The following CDK14 variants were observed in gnomAD, a reference collection of about 807,000 sequenced individuals.
The protein encoded by CDK14 is cyclin dependent kinase 14.
Under a neutral mutation model 60.7 loss-of-function variants are expected in CDK14, and 34 were observed. The ratio of observed to expected loss-of-function variants is 0.56; its 90% CI spans 0.43 to 0.75. The LOEUF (loss-of-function observed/expected upper bound fraction) is 0.75, where lower values mean the gene tolerates loss of function less well. Among genes scored for constraint, CDK14 ranks in the 30% least tolerant of loss-of-function variants. CDK14 has a pLI of 0.00. For synonymous variants in CDK14, 197 were observed against 203.7 expected, an observed-to-expected ratio of 0.97 and a Z score of 0.28; for missense variants, 482 against 564.1, an observed-to-expected ratio of 0.85 and a Z score of 1.47.
intron 2 of CDK14, among the ~76,000 whole-genome samples, chr7:90,696,377 G>C (rs962770892): frequency 8.0e-5 from 10 of 124,936 alleles, no homozygotes; most frequent in African/African-American, 3.1e-4. Flanking sequence ...GACTGGCTCT[G>C]TTGCCCAGGC....
At chr7:91,003,391 T>C (rs998908494) in intron 10 of CDK14, among the ~76,000 whole-genome samples, 3 of 152,178 alleles carry the variant, frequency 2.0e-5, no homozygotes, top group African/African-American at 7.2e-5. Flanking sequence ...TCCTGTCATC[T>C]TAAATGGCAG....
intron 5 of CDK14, among the ~76,000 whole-genome samples, chr7:90,836,811 C>T (rs1010634325): frequency 6.6e-6 from 1 of 152,160 alleles, no homozygotes; most frequent in Non-Finnish European, 1.5e-5. Flanking sequence ...GTTATCATGA[C>T]CATGACATTA....
At chr7:90,791,632 A>G (rs1427233978) in intron 5 of CDK14, among the ~76,000 whole-genome samples, 1 of 151,318 alleles carries the variant, frequency 6.6e-6, no homozygotes, top group Non-Finnish European at 1.5e-5. Flanking sequence ...TTCTATTTCT[A>G]CTCTCTCACC....
At chr7:91,133,956 A>G (rs1392239247) in intron 14 of CDK14, among the ~76,000 whole-genome samples, 1 of 152,190 alleles carries the variant, frequency 6.6e-6, no homozygotes, top group Non-Finnish European at 1.5e-5. Context: ...ATAAATTAAT[A>G]CTAGAAATAG....
chr7:90,826,601 G>A (rs146479878), intron 5 of CDK14, among the ~76,000 whole-genome samples: 3 of 152,108 alleles, frequency 2.0e-5, no homozygotes, highest in African/African-American at 7.2e-5. Context: ...GGAAGGCAAG[G>A]TTGGGGGAGT....
intron 12 of CDK14, among the ~76,000 whole-genome samples, chr7:91,101,518 T>A (rs1480997978): frequency 6.6e-6 from 1 of 152,224 alleles, no homozygotes; most frequent in Admixed American, 6.5e-5. Flanking sequence ...GTACTAAAAC[T>A]ACAGCCTATT....
intron 2 of CDK14, among the ~76,000 whole-genome samples, chr7:90,664,963 C>A (rs1333390195): frequency 1.3e-5 from 2 of 151,914 alleles, no homozygotes; most frequent in African/African-American, 2.4e-5. Flanking sequence ...AAAAAGAAAT[C>A]ATGTTTTTGC....
At chr7:90,938,044 G>A (rs970800863) in intron 8 of CDK14, among the ~76,000 whole-genome samples, 4 of 152,180 alleles carry the variant, frequency 2.6e-5, no homozygotes, top group Admixed American at 6.5e-5. Context: ...GATCATGAAA[G>A]AATAGTTTGG....
intron 14 of CDK14, among the ~76,000 whole-genome samples, chr7:91,139,757 ACTTTT>A (rs981424644): frequency 6.8e-6 from 1 of 148,016 alleles, no homozygotes; most frequent in African/African-American, 2.5e-5. Flanking sequence ...ACAATTCAGA[ACTTTT>A]CTTTTCTTTT....
At chr7:90,656,614 G>T (rs1800756411) in intron 2 of CDK14, among the ~76,000 whole-genome samples, 1 of 152,092 alleles carries the variant, frequency 6.6e-6, no homozygotes, top group South Asian at 2.1e-4. Context: ...TTCTGACCTT[G>T]TGATCTGCCT....
intron 10 of CDK14, among the ~76,000 whole-genome samples, chr7:91,045,458 T>G (rs1450623262): frequency 6.6e-6 from 1 of 152,152 alleles, no homozygotes; most frequent in East Asian, 1.9e-4. Flanking sequence ...TTTGAAACAT[T>G]ATGATGCTCA....
intron 3 of CDK14, among the ~76,000 whole-genome samples, chr7:90,738,213 T>C (rs537708254): frequency 6.6e-6 from 1 of 152,336 alleles, no homozygotes; most frequent in African/African-American, 2.4e-5. Context: ...ACTATAGGAT[T>C]TTAGATGAGT....
At chr7:91,091,615 G>A (rs1178055288) in intron 12 of CDK14, among the ~76,000 whole-genome samples, 3 of 147,954 alleles carry the variant, frequency 2.0e-5, no homozygotes, top group African/African-American at 7.6e-5. Flanking sequence ...GTTGCAGTGA[G>A]CCAAGATCAT....
At chr7:90,806,805 A>G (rs1788862001) in intron 5 of CDK14, among the ~76,000 whole-genome samples, 1 of 152,246 alleles carries the variant, frequency 6.6e-6, no homozygotes, top group Non-Finnish European at 1.5e-5. Flanking sequence ...AGCAAACGGT[A>G]CACCAGGAGA....
intron 2 of CDK14, among the ~76,000 whole-genome samples, chr7:90,684,066 A>G (rs1012140235): frequency 7.2e-5 from 11 of 152,156 alleles, no homozygotes; most frequent in African/African-American, 2.7e-4. Flanking sequence ...TATTTCTCCC[A>G]TGGTAAGAAC....
chr7:91,170,278 A>T (rs1268488071), intron 14 of CDK14, among the ~76,000 whole-genome samples: 1 of 152,166 alleles, frequency 6.6e-6, no homozygotes, highest in East Asian at 1.9e-4. Flanking sequence ...TCTCCACAAG[A>T]TACTGGATTT....
At chr7:90,820,007 T>C (rs1226952821) in intron 5 of CDK14, among the ~76,000 whole-genome samples, 1 of 152,182 alleles carries the variant, frequency 6.6e-6, no homozygotes, top group African/African-American at 2.4e-5. Context: ...CTTTCTGTAG[T>C]TTCATTATGC....
intron 4 of CDK14, among the ~76,000 whole-genome samples, chr7:90,752,543 A>G (rs1053557393): frequency 1.3e-5 from 2 of 152,108 alleles, no homozygotes; most frequent in African/African-American, 4.8e-5. Context: ...ACAGCACTAA[A>G]TGGCTACCTA....
intron 11 of CDK14, among the ~76,000 whole-genome samples, chr7:91,073,754 C>T (rs1212665188): frequency 6.6e-6 from 1 of 151,126 alleles, no homozygotes; most frequent in Non-Finnish European, 1.5e-5. Context: ...ACCCACGAGA[C>T]CCATCTCATG....
Sources: gnomAD v4.1 joint callset for allele counts (sites outside exome capture counted in the v4.1 genomes callset) on GRCh38, gnomAD v4.1.1 for gene constraint, MANE v1.5 for transcripts, NCBI Gene and HGNC (gene_info 2026-07-23, HGNC 2026-07-21) for gene names.